Variants in PTPRT observed in about 807,000 individuals in gnomAD.
PTPRT encodes the protein protein tyrosine phosphatase receptor type T, also known as receptor-type tyrosine-protein phosphatase T.
PTPRT carries 56 observed loss-of-function variants against 176.8 expected under a neutral mutation model. The ratio of observed to expected loss-of-function variants is 0.32; its 90% confidence interval spans 0.26 to 0.40. PTPRT has a LOEUF of 0.40. PTPRT is among the 10% of genes least tolerant of loss of function. PTPRT has a pLI of 1.00. For synonymous variants in PTPRT, 783 were observed against 739.0 expected (o/e 1.06, Z -0.96); for missense variants, 1,540 against 1,908.2 (o/e 0.81, Z 3.60).
chr20:42,575,352 G>A (rs2073239108), intron 7 of PTPRT, among the ~76,000 whole-genome samples: 1 of 152,206 alleles, frequency 6.6e-6, no homozygotes, highest in Admixed American at 6.5e-5. Context: ...AGAGGAGAAG[G>A]CTGTGAAGAG....
intron 1 of PTPRT, among the ~76,000 whole-genome samples, chr20:42,965,998 A>C (rs1342805795): frequency 6.6e-6 from 1 of 152,224 alleles, no homozygotes; most frequent in Non-Finnish European, 1.5e-5. Context: ...GAGAAGACAG[A>C]AGCTATGGTC....
intron 1 of PTPRT, among the ~76,000 whole-genome samples, chr20:43,095,018 T>C (rs1237711177): frequency 1.3e-5 from 2 of 152,052 alleles, no homozygotes; most frequent in Admixed American, 1.3e-4. Flanking sequence ...AACAGAGGTG[T>C]GCAAAGGCCT....
intron 26 of PTPRT, among the ~76,000 whole-genome samples, chr20:42,101,331 C>A (rs1049390597): frequency 6.6e-6 from 1 of 152,172 alleles, no homozygotes; most frequent in Admixed American, 6.5e-5. Flanking sequence ...CTCTGTCTGG[C>A]CTCTGTTTTC....
chr20:42,267,910 C>T lies in PTPRT; in HGVS notation c.2176+14579G>A, dbSNP rs118145280. Among the ~76,000 whole-genome samples, 36 of 152,312 alleles carry T rather than the reference C, an allele frequency of 2.4e-4. No homozygotes were observed. The East Asian group carries it at 6.9e-3, about 29-fold the overall frequency. ...CCTATGACTGTGGCTATTCATATTT[C>T]AATTTCTCCAAATAAAAATAATGAA... On this transcript the variant is annotated intron_variant, in intron 13 of 30. Transcript: ENST00000373187.
intron 1 of PTPRT, among the ~76,000 whole-genome samples, chr20:42,967,532 GGAA>G (rs1418671572): frequency 6.6e-6 from 1 of 152,138 alleles, no homozygotes; most frequent in Non-Finnish European, 1.5e-5. Flanking sequence ...GAGCCTCCAA[GGAA>G]GTGCAGCCCT....
At chr20:42,422,817 G>A (rs535715303) in intron 9 of PTPRT, among the ~76,000 whole-genome samples, 2 of 152,204 alleles carry the variant, frequency 1.3e-5, no homozygotes, top group East Asian at 3.9e-4. Context: ...ATGATAGGCT[G>A]GATAAAGAAA....
intron 9 of PTPRT, among the ~76,000 whole-genome samples, chr20:42,436,261 C>A (rs6016793): frequency 0.25 from 37,796 of 151,964 alleles, 5,257 homozygotes; most frequent in African/African-American, 0.37. Flanking sequence ...TAATTAAGGA[C>A]TTTTGTTTTT....
chr20:42,220,051 A>ATATT (rs1471398048), intron 15 of PTPRT, among the ~76,000 whole-genome samples: 5 of 151,562 alleles, frequency 3.3e-5, no homozygotes, highest in African/African-American at 4.8e-5. Context: ...ATATATATAT[A>ATATT]TTTTTCAACA....
At chr20:42,281,641 C>T (rs537980754) in intron 13 of PTPRT, among the ~76,000 whole-genome samples, 29 of 152,180 alleles carry the variant, frequency 1.9e-4, no homozygotes, top group African/African-American at 6.5e-4. Context: ...TTTAAATCTA[C>T]GGTTATATGC....
chr20:43,031,234 C>T (rs533401898), intron 1 of PTPRT, among the ~76,000 whole-genome samples: 2 of 152,166 alleles, frequency 1.3e-5, no homozygotes, highest in African/African-American at 2.4e-5. Flanking sequence ...GCTAAGCTGT[C>T]GGTGGCAGTA....
At chr20:42,957,116 C>G (rs1437371306) in intron 1 of PTPRT, among the ~76,000 whole-genome samples, 1 of 152,170 alleles carries the variant, frequency 6.6e-6, no homozygotes, top group Non-Finnish European at 1.5e-5. Context: ...ACACCTAGGA[C>G]AGCATCAAAA....
chr20:43,071,286 A>G (rs964903568), intron 1 of PTPRT, among the ~76,000 whole-genome samples: 4 of 152,114 alleles, frequency 2.6e-5, no homozygotes, highest in African/African-American at 9.7e-5. Flanking sequence ...GGCTCGTTAG[A>G]TATGCAAATC....
intron 15 of PTPRT, among the ~76,000 whole-genome samples, chr20:42,201,354 G>A (rs182152672): frequency 2.5e-3 from 381 of 152,256 alleles, no homozygotes; most frequent in Non-Finnish European, 4.0e-3. Context: ...CCTCAGCTTA[G>A]AAGTGTTTTA....
At chr20:42,611,412 T>G (rs17809988) in intron 7 of PTPRT, among the ~76,000 whole-genome samples, 1 of 152,176 alleles carries the variant, frequency 6.6e-6, no homozygotes, top group Non-Finnish European at 1.5e-5. Flanking sequence ...TTCAGAACGC[T>G]GCCATAAGGG....
intron 11 of PTPRT, among the ~76,000 whole-genome samples, chr20:42,338,755 T>A (rs2058073655): frequency 6.6e-6 from 1 of 152,202 alleles, no homozygotes; most frequent in African/African-American, 2.4e-5. Flanking sequence ...GCCTGAATCC[T>A]ATGTGCAAGG....
intron 5 of PTPRT, among the ~76,000 whole-genome samples, chr20:42,766,617 G>A (rs867222369): frequency 6.6e-6 from 1 of 152,086 alleles, no homozygotes; most frequent in Non-Finnish European, 1.5e-5. Flanking sequence ...ACCACTTAAG[G>A]AAAAGCAAGC....
chr20:43,086,251 T>G (rs1025002734), intron 1 of PTPRT, among the ~76,000 whole-genome samples: 4 of 152,092 alleles, frequency 2.6e-5, no homozygotes, highest in Non-Finnish European at 5.9e-5. Flanking sequence ...GAAGTCCAAA[T>G]AGAATGAGGC....
At chr20:42,205,921 A>C (rs914776211) in intron 15 of PTPRT, among the ~76,000 whole-genome samples, 2 of 152,180 alleles carry the variant, frequency 1.3e-5, no homozygotes, top group African/African-American at 4.8e-5. Flanking sequence ...ATCTCAGCTT[A>C]AAGTTACACA....
In PTPRT at chr20:42,110,321, C is replaced by G; in HGVS notation, c.3254+12G>C. 6.3e-7 allele frequency: 1 copy of G among 1,598,492 alleles called. No homozygotes were observed. Among genetic ancestry groups the G allele is most frequent in the Non-Finnish European group, 8.5e-7 (1 of 1,169,872 alleles). On this transcript the variant is annotated intron_variant, in intron 23 of 30. Transcript: ENST00000373187. ...CGCCTCGGCCTCCCAAGGTGAAGGA[C>G]CTTTGACTTACCTGCAGTGGACCAC...
Sources: allele counts gnomAD v4.1 joint callset (sites outside exome capture counted in the v4.1 genomes callset), GRCh38; gene constraint gnomAD v4.1.1; transcripts MANE v1.5; gene names NCBI Gene and HGNC (gene_info 2026-07-23, HGNC 2026-07-21).